KCNC4: variants seen among roughly 807,000 people sequenced by gnomAD.
KCNC4 encodes the protein potassium voltage-gated channel subfamily C member 4.
Under a neutral mutation model 42.8 loss-of-function variants are expected in KCNC4, and 23 were observed. The observed-to-expected ratio is 0.54, with a 90% CI of 0.39 to 0.76. The LOEUF is 0.76. Ranked by LOEUF, KCNC4 falls within the 30% of genes least tolerant of loss-of-function variation. The pLI, the probability that KCNC4 is intolerant of heterozygous loss-of-function variation, is 0.00. For synonymous variants in KCNC4, 422 were observed against 393.5 expected, an observed-to-expected ratio of 1.07 and a Z score of -0.86; for missense variants, 751 against 898.2, an observed-to-expected ratio of 0.84 and a Z score of 2.10.
At chr1:110,275,014 G>T (rs1173440429) in intron 1 of KCNC4, among the ~76,000 whole-genome samples, 1 of 151,876 alleles carries the variant, frequency 6.6e-6, no homozygotes, top group Non-Finnish European at 1.5e-5. Context: ...TAGACAACTA[G>T]AACTTAACTG....
intron 1 of KCNC4, among the ~76,000 whole-genome samples, chr1:110,264,194 G>C (rs1659500784): frequency 6.6e-6 from 1 of 152,150 alleles, no homozygotes; most frequent in South Asian, 2.1e-4. Context: ...ACAGGTAAGA[G>C]TTTTTGAAGG....
intron 1 of KCNC4, among the ~76,000 whole-genome samples, chr1:110,275,812 G>A (rs1659709536): frequency 6.6e-6 from 1 of 151,974 alleles, no homozygotes; most frequent in Non-Finnish European, 1.5e-5. Flanking sequence ...CAAAAAATTA[G>A]CCAGGCATGG....
At chr1:110,215,597 G>A (rs1180894722) in intron 1 of KCNC4, among the ~76,000 whole-genome samples, 1 of 152,130 alleles carries the variant, frequency 6.6e-6, no homozygotes, top group African/African-American at 2.4e-5. Context: ...TTTTTCCTGT[G>A]ATGTTTCCCT....
At chr1:110,232,494 G>C (rs1327192383) in intron 3 of KCNC4, 1 of 1,439,250 alleles carries the variant, frequency 6.9e-7, no homozygotes, top group Non-Finnish European at 9.1e-7. Flanking sequence ...TTTCCCCACT[G>C]CCTCCATGCA....
chr1:110,224,429 G>A lies in KCNC4; in HGVS notation c.1615+529G>A, dbSNP rs1314659351. 2.6e-5 allele frequency: 4 copies of A among 155,146 alleles called. No homozygotes were observed. The South Asian group carries it at 6.1e-4, about 24-fold the overall frequency. The allele number at this position is 155,146 out of a possible 1,614,324, so 9.6% of individuals were successfully genotyped here. On this transcript the variant is annotated intron_variant, in intron 2 of 3. Transcript: ENST00000438661. ...ACACATGAATCACTTCTTTGCAAACGTTCGAGTCTGGTATCTTGGCCTAAT... is the reference window on the plus strand; with the variant it reads ...ACACATGAATCACTTCTTTGCAAACATTCGAGTCTGGTATCTTGGCCTAAT...
chr1:110,218,368 C>T (rs924112538), intron 1 of KCNC4, among the ~76,000 whole-genome samples: 9 of 152,182 alleles, frequency 5.9e-5, no homozygotes, highest in East Asian at 1.9e-4. Context: ...TCGAACTCTC[C>T]GGTTCTTCGT....
downstream of KCNC4, among the ~76,000 whole-genome samples, chr1:110,251,828 C>A (rs1241295614): frequency 3.9e-5 from 6 of 152,218 alleles, no homozygotes; most frequent in African/African-American, 1.4e-4. Flanking sequence ...AGGTTAAGGC[C>A]CTTGTTGGCC....
rs1294065462 is a variant in KCNC4, at chr1:110,223,575, T to C, written c.1290T>C (p.Ala430=). The part of the protein sequence containing the change: ...FKNIPIGFWW[A]VVTMTTLGYG... ...ACATCCCCATTGGCTTCTGGTGGGC[T>C]GTGGTCACCATGACGACACTGGGCT... is the stretch of plus-strand genomic sequence containing the variant. The change falls in exon 2 of 4, where the codon GCT becomes GCC. Residue 430 remains alanine (A), a synonymous_variant. Transcript: ENST00000438661. This position sits in a 1 kb window ranked among gnomAD's most constrained non-coding sequence, Gnocchi z 7.5. 2 of 1,614,048 alleles carry C rather than the reference T, an allele frequency of 1.2e-6. No individual in the cohort carries two copies. Among genetic ancestry groups the C allele is most frequent in the South Asian group, 2.2e-5 (2 of 91,082 alleles).
intron 1 of KCNC4, among the ~76,000 whole-genome samples, chr1:110,278,283 T>A (rs1294930711): frequency 6.6e-6 from 1 of 152,196 alleles, no homozygotes; most frequent in Non-Finnish European, 1.5e-5. Context: ...TGGACCTCAG[T>A]TTCTTTATCC....
At chr1:110,259,076 A>G (rs1659383309) in intron 1 of KCNC4, among the ~76,000 whole-genome samples, 2 of 152,340 alleles carry the variant, frequency 1.3e-5, no homozygotes, top group African/African-American at 4.8e-5. Flanking sequence ...TTATTTGTGA[A>G]TCGGAGGTAT....
In KCNC4 at chr1:110,210,594, G is replaced by C. The variant is rs889068978; in HGVS notation, c.-906G>C. On this transcript the variant is annotated 5_prime_UTR_variant, in exon 1 of 4. Coordinates refer to ENST00000438661, the MANE Select transcript of KCNC4 (RefSeq NM_001039574.3). ...AGGTGTCCTTGGCCGCTCGGCCGCC[G>C]CCCCCGGTACACCTTCGCCAGTGCC... 6.6e-6 allele frequency among the ~76,000 whole-genome samples: 1 copy of C among 151,484 alleles called. No individual in the cohort carries two copies. The highest frequency in any genetic ancestry group is 1.5e-5 in the Non-Finnish European group (1 of 67,828).
chr1:110,225,808 C>T, intron 2 of KCNC4, 167 bp from the exon 3 acceptor site: 1 of 624,702 alleles, frequency 1.6e-6, no homozygotes, highest in Non-Finnish European at 2.8e-6. Context: ...AGCATCCCTG[C>T]CTTTTGCCCT....
chr1:110,282,383 T>C (rs1313163537), intron 1 of KCNC4, among the ~76,000 whole-genome samples: 1 of 152,220 alleles, frequency 6.6e-6, no homozygotes, highest in Non-Finnish European at 1.5e-5. Flanking sequence ...CTTCTTTCTC[T>C]TCCTATAGGG....
downstream of KCNC4, among the ~76,000 whole-genome samples, chr1:110,249,452 A>C (rs530848203): frequency 1.4e-4 from 22 of 152,316 alleles, no homozygotes; most frequent in Admixed American, 2.6e-4. Context: ...GGCATACAGC[A>C]GACACTCAGT....
rs572479504 is a variant in KCNC4, at chr1:110,233,611, G to T, written c.*639G>T. On this transcript the variant is annotated 3_prime_UTR_variant, in exon 4 of 4. Coordinates refer to ENST00000438661, the MANE Select transcript of KCNC4 (RefSeq NM_001039574.3). ...CTTCCTCCACCCCATCTATGTCCTT[G>T]ACTTAGGGGGGCATTTTGTCTTTTT... 6.5e-6 allele frequency: 1 copy of T among 152,894 alleles called. No individual in the cohort carries two copies. The highest frequency in any genetic ancestry group is 2.4e-5 in the African/African-American group (1 of 41,554). The allele number at this position is 152,894 out of a possible 1,614,324, so 9.5% of individuals were successfully genotyped here.
chr1:110,218,477 C>T lies in KCNC4; in HGVS notation c.679-4487C>T, dbSNP rs76577427. The stretch of plus-strand genomic sequence containing the variant: ...TGGAAACAACTCCCCTATCCTCCCA[C>T]CCGTTATCTCCTTTTTCTCTTTATT... On this transcript the variant is annotated intron_variant, in intron 1 of 3. Coordinates refer to ENST00000438661, the MANE Select transcript of KCNC4 (RefSeq NM_001039574.3). Among the ~76,000 whole-genome samples, 3 of 152,104 alleles carry T rather than the reference C, an allele frequency of 2.0e-5. No individual in the cohort carries two copies. In the East Asian group the frequency reaches 5.8e-4, roughly 29 times the overall value.
At chr1:110,281,638 T>C (rs1659826907) in intron 1 of KCNC4, among the ~76,000 whole-genome samples, 1 of 151,710 alleles carries the variant, frequency 6.6e-6, no homozygotes, top group Non-Finnish European at 1.5e-5. Flanking sequence ...CTCATGCCTA[T>C]TCTGTGGCTC....
intron 1 of KCNC4, among the ~76,000 whole-genome samples, chr1:110,255,212 A>G (rs1399720085): frequency 1.3e-5 from 2 of 152,252 alleles, no homozygotes; most frequent in African/African-American, 4.8e-5. Context: ...AAATGCCTAG[A>G]TCGTCGGAGT....
chr1:110,246,401 T>C (rs935801277), exon 4 of KCNC4: 1 of 152,086 alleles, frequency 6.6e-6, no homozygotes, highest in African/African-American at 2.4e-5. Context: ...GGGTAGGGAG[T>C]TGGAGAAGAT....
Sources: allele counts gnomAD v4.1 joint callset (sites outside exome capture counted in the v4.1 genomes callset), GRCh38; gene constraint gnomAD v4.1.1; non-coding constraint Gnocchi (gnomAD v3.1); transcripts MANE v1.5; gene names NCBI Gene and HGNC (gene_info 2026-07-23, HGNC 2026-07-21).